IL1R2: variants seen among roughly 807,000 people sequenced by gnomAD.
IL1R2 encodes interleukin 1 receptor type 2.
In IL1R2, 46 loss-of-function variants were observed where a neutral mutation model predicts 39.5. The observed-to-expected ratio is 1.16, with a 90% CI of 0.92 to 1.49. The LOEUF is 1.49. Among genes scored for constraint, IL1R2 ranks in the 40% most tolerant of loss-of-function variants. The probability of loss-of-function intolerance (pLI) is 0.00; values close to 1 mark genes in which losing one functional copy is unlikely to be tolerated. For missense variants in IL1R2, 537 were observed against 502.0 expected, an observed-to-expected ratio of 1.07 and a Z score of -0.67; for synonymous variants, 207 against 189.6, an observed-to-expected ratio of 1.09 and a Z score of -0.75.
chr2:102,003,982 G>T (rs993900040), intron 1 of IL1R2, among the ~76,000 whole-genome samples: 5 of 127,278 alleles, frequency 3.9e-5, no homozygotes, highest in African/African-American at 1.1e-4. Context: ...TCTTGGTCTC[G>T]GTCTGGGTCT....
intron 3 of IL1R2, among the ~76,000 whole-genome samples, chr2:102,015,176 G>T (rs1239600048): frequency 6.6e-6 from 1 of 152,142 alleles, no homozygotes; most frequent in African/African-American, 2.4e-5. Flanking sequence ...ATGTGGATAT[G>T]GTTTCCTGGA....
chr2:101,997,817 C>T (rs751449938), intron 1 of IL1R2, among the ~76,000 whole-genome samples: 11 of 152,220 alleles, frequency 7.2e-5, no homozygotes, highest in Non-Finnish European at 1.5e-4. Flanking sequence ...AGCCCTCTCT[C>T]TTTTACCTCT....
At chr2:102,017,217 T>A (rs1265718888) in intron 4 of IL1R2, among the ~76,000 whole-genome samples, 3 of 151,638 alleles carry the variant, frequency 2.0e-5, no homozygotes, top group Admixed American at 2.0e-4. Flanking sequence ...GGCCAACATG[T>A]CAAAACCCCA....
intron 1 of IL1R2, among the ~76,000 whole-genome samples, chr2:102,004,332 G>A (rs188266357): frequency 3.4e-5 from 2 of 58,454 alleles, no homozygotes; most frequent in African/African-American, 1.5e-4. Flanking sequence ...TCTACCACCT[G>A]TCCAACTCAG....
intron 7 of IL1R2, among the ~76,000 whole-genome samples, chr2:102,025,274 C>T (rs759180367): frequency 1.5e-4 from 23 of 152,194 alleles, no homozygotes; most frequent in Non-Finnish European, 1.0e-4. Flanking sequence ...TTTAAAATTA[C>T]AGTTTTGATA....
chr2:102,013,553 G>A (rs7599346), intron 3 of IL1R2, among the ~76,000 whole-genome samples: 5,582 of 34,762 alleles, frequency 0.16, 101 homozygotes, highest in East Asian at 0.24. Context: ...AAAAAAAAAA[G>A]GAAAGAAAGA....
Position 101,998,195 on chromosome 2 carries a change from G to A in IL1R2, c.-62+6184G>A, listed in dbSNP as rs34915680. Among the ~76,000 whole-genome samples the A allele has an allele frequency of 3.0e-4, 45 of 152,290 alleles. 1 individual carries two copies. In the East Asian group the frequency reaches 8.7e-3, roughly 29 times the overall value. ...TCTTTGTGATTCAAGGAAATCATTAGGAGCATCAATTGTTTTGTGCTTTAA... is the reference window on the plus strand; with the variant it reads ...TCTTTGTGATTCAAGGAAATCATTAAGAGCATCAATTGTTTTGTGCTTTAA... On this transcript the variant is annotated intron_variant, in intron 1 of 8. Transcript: ENST00000332549.
intron 2 of IL1R2, among the ~76,000 whole-genome samples, 162 bp downstream of exon 2, chr2:102,008,804 T>C (rs1676431292): frequency 6.7e-6 from 1 of 149,946 alleles, no homozygotes; most frequent in Non-Finnish European, 1.5e-5. Context: ...GGTGGATTGC[T>C]TGAGCCCAGG....
chr2:101,998,572 C>A (rs1350438304), intron 1 of IL1R2, among the ~76,000 whole-genome samples: 1 of 152,222 alleles, frequency 6.6e-6, no homozygotes, highest in Non-Finnish European at 1.5e-5. Context: ...GGTGATTCTT[C>A]TGCTCCATGT....
intron 1 of IL1R2, among the ~76,000 whole-genome samples, chr2:102,003,174 GTGTCTGTGTCTC>G (rs1443563448): frequency 8.4e-6 from 1 of 119,702 alleles, no homozygotes; most frequent in African/African-American, 2.6e-5. Context: ...GTCTATGTCT[GTGTCTGTGTCTC>G]TGTCTGTGTC....
At chr2:101,996,114 G>C (rs939746025) in intron 1 of IL1R2, among the ~76,000 whole-genome samples, 5 of 150,476 alleles carry the variant, frequency 3.3e-5, no homozygotes, top group African/African-American at 7.3e-5. Context: ...CGACTTCAAG[G>C]GTTCAGAGAA....
At position 102,019,634 on chromosome 2, in the gene IL1R2, T is replaced by A. The variant is rs370676394; in HGVS notation, c.514-4T>A. 10 of 1,605,502 alleles carry A rather than the reference T, an allele frequency of 6.2e-6. No homozygotes were observed. The highest frequency in any genetic ancestry group is 8.5e-6 in the Non-Finnish European group (10 of 1,173,762). ...GTCAACTTAAAAAAACATTTTCCCT[T>A]AAGGATTCTCTTCTTTTGGATAAAG... On this transcript the variant is annotated splice_region_variant and splice_polypyrimidine_tract_variant and intron_variant, in intron 4 of 8. Transcript: ENST00000332549.
chr2:102,000,516 T>A (rs7561191), intron 1 of IL1R2, among the ~76,000 whole-genome samples: 66,616 of 151,976 alleles, frequency 0.44, 14,753 homozygotes, highest in African/African-American at 0.47. Context: ...AGGGAGGAAA[T>A]TTTGGGATCC....
intron 2 of IL1R2, among the ~76,000 whole-genome samples, chr2:102,008,869 A>AG (rs1240984948): frequency 6.6e-6 from 1 of 150,896 alleles, no homozygotes; most frequent in Non-Finnish European, 1.5e-5. Flanking sequence ...CAAAAAAAAA[A>AG]AAAAAAAAAG....
At chr2:102,010,848 C>A (rs1392164949) in intron 3 of IL1R2, among the ~76,000 whole-genome samples, 1 of 152,174 alleles carries the variant, frequency 6.6e-6, no homozygotes, top group Admixed American at 6.5e-5. Flanking sequence ...AGGAGTTTTT[C>A]ATCCTCACAA....
chr2:102,008,519 C>A lies in IL1R2; in HGVS notation c.-57C>A. 1 of 1,405,602 alleles carries A rather than the reference C, an allele frequency of 7.1e-7. No individual in the cohort carries two copies. The allele number at this position is 1,405,602 out of a possible 1,614,324, so 87.1% of individuals were successfully genotyped here. ...CACCTCTGTTTCCTCCCCTAGGCCA[C>A]GTGCTGCTGGGTCTCAGTCCTCCAC... On this transcript the variant is annotated 5_prime_UTR_variant, in exon 2 of 9. Transcript: ENST00000332549.
chr2:102,024,655 G>C lies in IL1R2; in HGVS notation c.874G>C (p.Glu292Gln), dbSNP rs3218976. The C allele has an allele frequency of 1.2e-6, 2 of 1,613,842 alleles. No individual in the cohort carries two copies. Among genetic ancestry groups the C allele is most frequent in the Admixed American group, 1.7e-5 (1 of 60,004 alleles). ...ESAYPGGRVTEGPRQEYSENN... is the reference protein window; with the variant it reads ...ESAYPGGRVTQGPRQEYSENN... Reference sequence around the variant, plus strand: ...CGCCTACCCGGGAGGCCGCGTGACCGAGGGGCCACGCCAGTAAGTGGGCCA... The same window carrying C: ...CGCCTACCCGGGAGGCCGCGTGACCCAGGGGCCACGCCAGTAAGTGGGCCA... Residue 292 changes from glutamate to glutamine, a missense_variant, in exon 7 of 9, where the codon GAG becomes CAG. Glu to Gln is a conservative substitution (Grantham distance 29). Coordinates refer to ENST00000332549, the MANE Select transcript of IL1R2 (RefSeq NM_004633.4).
intron 1 of IL1R2, among the ~76,000 whole-genome samples, chr2:101,999,580 T>G (rs1309827199): frequency 6.6e-6 from 1 of 152,208 alleles, no homozygotes; most frequent in Non-Finnish European, 1.5e-5. Flanking sequence ...CAGATTGACT[T>G]AGAGTTCCAG....
intron 2 of IL1R2, among the ~76,000 whole-genome samples, chr2:102,009,200 C>G (rs3218853): frequency 1.4e-3 from 211 of 152,220 alleles, no homozygotes; most frequent in African/African-American, 4.7e-3. Context: ...ACCATCTAAA[C>G]TCAGCTCAGA....
Sources: gnomAD v4.1 joint callset for allele counts (sites outside exome capture counted in the v4.1 genomes callset) on GRCh38, gnomAD v4.1.1 for gene constraint, MANE v1.5 for transcripts, NCBI Gene and HGNC (gene_info 2026-07-23, HGNC 2026-07-21) for gene names.